MORN4: variants seen among roughly 807,000 people sequenced by gnomAD.
MORN4 encodes MORN repeat containing 4.
A neutral mutation model predicts 16.4 loss-of-function variants in MORN4; 8 were observed. The observed-to-expected ratio is 0.49, with a 90% CI of 0.29 to 0.88. The LOEUF is 0.88. Among genes scored for constraint, MORN4 ranks in the 40% least tolerant of loss-of-function variants. MORN4 has a pLI of 0.09. For missense variants in MORN4, 159 were observed against 182.9 expected (o/e 0.87, Z 0.75); for synonymous variants, 53 against 68.9 (o/e 0.77, Z 1.14).
At chr10:97,626,754 A>AT (rs536665432) in intron 1 of MORN4, among the ~76,000 whole-genome samples, 13,568 of 110,912 alleles carry the variant, frequency 0.12, 1,028 homozygotes, top group Middle Eastern at 0.23. Context: ...CTGTGCCCAG[A>AT]TTTTTTTTTT....
At chr10:97,626,083 TTA>T (rs201804136) in intron 1 of MORN4, among the ~76,000 whole-genome samples, 4 of 151,734 alleles carry the variant, frequency 2.6e-5, no homozygotes, top group Admixed American at 6.6e-5. Flanking sequence ...TTTTTTTTTT[TTA>T]AAGAGAACAA....
intron 1 of MORN4, among the ~76,000 whole-genome samples, chr10:97,619,934 G>A (rs141167218): frequency 0.017 from 2,600 of 152,130 alleles, 40 homozygotes; most frequent in Admixed American, 0.03. Context: ...ACCTGGGATG[G>A]AAATCTACAA....
At chr10:97,626,605 G>A (rs1031149471) in intron 1 of MORN4, among the ~76,000 whole-genome samples, 1 of 151,272 alleles carries the variant, frequency 6.6e-6, no homozygotes, top group African/African-American at 2.4e-5. Context: ...TCAGGTGACC[G>A]TCACCATGGC....
chr10:97,622,855 T>TTTTA (rs1437178308), intron 1 of MORN4, among the ~76,000 whole-genome samples: 1 of 110,564 alleles, frequency 9.0e-6, no homozygotes, highest in Non-Finnish European at 1.8e-5. Context: ...TCCCTTCATC[T>TTTTA]TTCATTTATT....
chr10:97,625,172 C>T (rs1346774444), intron 1 of MORN4, among the ~76,000 whole-genome samples: 1 of 152,178 alleles, frequency 6.6e-6, no homozygotes, highest in Non-Finnish European at 1.5e-5. Flanking sequence ...AGAGCTCTGA[C>T]AGCTGGCCTT....
At chr10:97,626,041 T>A (rs1338552423) in intron 1 of MORN4, among the ~76,000 whole-genome samples, 1 of 150,444 alleles carries the variant, frequency 6.6e-6, no homozygotes, top group East Asian at 2.0e-4. Context: ...ATTATAAGCA[T>A]GAGCCACCAC....
At chr10:97,629,810 G>C (rs2041379517) in intron 1 of MORN4, among the ~76,000 whole-genome samples, 1 of 152,052 alleles carries the variant, frequency 6.6e-6, no homozygotes, top group Non-Finnish European at 1.5e-5. Context: ...GCTGGGTGGA[G>C]TACAGTGGTG....
chr10:97,616,270 G>A lies in MORN4; in HGVS notation c.434C>T (p.Thr145Ile), dbSNP rs773475024. The change falls in exon 5 of 5, where the codon ACT (threonine) becomes ATT (isoleucine). Residue 145 changes from threonine to isoleucine, a missense_variant. Transcript: ENST00000307450. ...QSASKSARNL[T>I]A ...CTGGTGCCCACTGCGCTGTCAGGCAGTGAGATTTCTGGCTGACTTGGAGGC... is the reference window on the plus strand; with the variant it reads ...CTGGTGCCCACTGCGCTGTCAGGCAATGAGATTTCTGGCTGACTTGGAGGC... 56 of 1,599,370 alleles carry A rather than the reference G, an allele frequency of 3.5e-5. No homozygotes were observed. The Admixed American group carries it at 9.8e-4, about 28-fold the overall frequency.
rs2041227401 is a variant in MORN4, at chr10:97,615,391, G to A, written c.*872C>T. 6.6e-6 allele frequency: 1 copy of A among 152,172 alleles called. No homozygotes were observed. Among genetic ancestry groups the A allele is most frequent in the Non-Finnish European group, 1.5e-5 (1 of 68,064 alleles). The allele number at this position is 152,172 out of a possible 1,614,324, so 9.4% of individuals were successfully genotyped here. A position where few individuals can be genotyped will look rare whatever the true frequency, so the allele number is the denominator to read the frequency against. The stretch of plus-strand genomic sequence containing the variant: ...GAGCCCAGGATTTTGAGATGAGCCT[G>A]AGCCACATAGCAAGACCCTGGCTCA... On this transcript the variant is annotated 3_prime_UTR_variant, in exon 5 of 5. Coordinates refer to ENST00000307450, the MANE Select transcript of MORN4 (RefSeq NM_178832.4).
At chr10:97,630,598 G>A (rs1032559862) in intron 1 of MORN4, among the ~76,000 whole-genome samples, 1 of 152,210 alleles carries the variant, frequency 6.6e-6, no homozygotes, top group African/African-American at 2.4e-5. Context: ...AAGTGCTAAT[G>A]AAAGGGAATG....
chr10:97,632,703 A>AT (rs552637866), intron 1 of MORN4, among the ~76,000 whole-genome samples: 5,378 of 143,312 alleles, frequency 0.038, 193 homozygotes, highest in African/African-American at 0.087. Context: ...CGCCAAAAAG[A>AT]TTTTTTTTTT....
rs1235120241 is a variant in MORN4, at chr10:97,616,195, T to A, written c.*68A>T. 1 of 1,441,148 alleles carries A rather than the reference T, an allele frequency of 6.9e-7. No individual in the cohort carries two copies. Among genetic ancestry groups the A allele is most frequent in the Admixed American group, 2.4e-5 (1 of 42,038 alleles). The allele number at this position is 1,441,148 out of a possible 1,614,324, so 89.3% of individuals were successfully genotyped here. A position where few individuals can be genotyped will look rare whatever the true frequency, so the allele number is the denominator to read the frequency against. On this transcript the variant is annotated 3_prime_UTR_variant, in exon 5 of 5. Coordinates refer to ENST00000307450, the MANE Select transcript of MORN4 (RefSeq NM_178832.4). ...ACTCATCTCAGCTCTGATTCATTTG[T>A]TCACCTCGAATCAACAACAGGGGCA...
At chr10:97,622,614 G>C (rs1355808627) in intron 1 of MORN4, among the ~76,000 whole-genome samples, 1 of 148,832 alleles carries the variant, frequency 6.7e-6, no homozygotes, top group East Asian at 2.0e-4. Flanking sequence ...AGGATCGCTT[G>C]AACCCAGGAG....
intron 1 of MORN4, among the ~76,000 whole-genome samples, chr10:97,624,627 A>G (rs1368790638): frequency 6.6e-6 from 1 of 152,238 alleles, no homozygotes; most frequent in South Asian, 2.1e-4. Flanking sequence ...TATGGTGCCT[A>G]GACTGGTCCC....
intron 1 of MORN4, among the ~76,000 whole-genome samples, chr10:97,620,488 CAA>C (rs1210683127): frequency 1.2e-4 from 5 of 41,182 alleles, no homozygotes; most frequent in South Asian, 9.0e-4. Flanking sequence ...GACTCTGTCT[CAA>C]AAAAAAAAAA....
At chr10:97,632,212 C>CTTT (rs1162979185) in intron 1 of MORN4, among the ~76,000 whole-genome samples, 1,506 of 86,978 alleles carry the variant, frequency 0.017, 96 homozygotes, top group East Asian at 0.04. Context: ...TAATACTCCC[C>CTTT]TTTTTTTTTT....
In MORN4 at chr10:97,616,222, T is replaced by C; in HGVS notation, c.*41A>G. ...CACCTCGAATCAACAACAGGGGCAC[T>C]GGCTTTACCCAATACTTATCAGCTG... On this transcript the variant is annotated 3_prime_UTR_variant, in exon 5 of 5. Coordinates refer to ENST00000307450, the MANE Select transcript of MORN4 (RefSeq NM_178832.4). 2 of 1,503,458 alleles carry C rather than the reference T, an allele frequency of 1.3e-6. No homozygotes were observed. The highest frequency in any genetic ancestry group is 1.8e-6 in the Non-Finnish European group (2 of 1,126,860). The allele number at this position is 1,503,458 out of a possible 1,614,324, so 93.1% of individuals were successfully genotyped here.
In MORN4 at chr10:97,627,029, T is replaced by C. The variant is rs548841517; in HGVS notation, c.-31+6318A>G. On this transcript the variant is annotated intron_variant, in intron 1 of 4. Transcript: ENST00000307450. ...GCCTTGGCCTCCCAAAGTGCTGGGA[T>C]TACAGGCATGAGTCACTGTGCCCGG... Among the ~76,000 whole-genome samples, 3 of 152,086 alleles carry C rather than the reference T, an allele frequency of 2.0e-5. No homozygotes were observed. The South Asian group carries it at 6.2e-4, about 32-fold the overall frequency.
chr10:97,621,317 C>T (rs1470055443), intron 1 of MORN4, among the ~76,000 whole-genome samples: 1 of 152,024 alleles, frequency 6.6e-6, no homozygotes, highest in African/African-American at 2.4e-5. Context: ...TTAAAGAGAC[C>T]TTTGAAAGCT....
Sources: gnomAD v4.1 joint callset for allele counts (sites outside exome capture counted in the v4.1 genomes callset) on GRCh38, gnomAD v4.1.1 for gene constraint, MANE v1.5 for transcripts, NCBI Gene and HGNC (gene_info 2026-07-23, HGNC 2026-07-21) for gene names.